The following PTPRC variants were observed in gnomAD, a reference collection of about 807,000 sequenced individuals.
PTPRC encodes the protein receptor-type tyrosine-protein phosphatase C.
A neutral mutation model predicts 155.9 loss-of-function variants in PTPRC; 44 were observed. That is an observed-to-expected ratio of 0.28 (90% CI 0.22 to 0.36). The LOEUF (loss-of-function observed/expected upper bound fraction) is 0.36. Among genes scored for constraint, PTPRC ranks in the 10% least tolerant of loss-of-function variants. The probability of loss-of-function intolerance (pLI) is 1.00; values close to 1 mark genes in which losing one functional copy is unlikely to be tolerated. For synonymous variants in PTPRC, 525 were observed against 533.1 expected (o/e 0.98, Z 0.21); for missense variants, 1,401 against 1,564.6 (o/e 0.90, Z 1.76).
rs762704300 is a variant in PTPRC at position 198,708,102 on chromosome 1, A to G, written c.905-31A>G. 17 of 1,575,440 alleles carry G rather than the reference A, an allele frequency of 1.1e-5. No individual in the cohort carries two copies. In the East Asian group the frequency reaches 2.9e-4, roughly 27 times the overall value. On this transcript the variant is annotated intron_variant, in intron 9 of 32. Transcript: ENST00000442510. Reference sequence around the variant, plus strand: ...CTTAGGATACACATTATGAAATACTAATCAAGTTTATTTCTGTATCTTCTT... The same window carrying G: ...CTTAGGATACACATTATGAAATACTGATCAAGTTTATTTCTGTATCTTCTT...
In PTPRC at chr1:198,729,158, G is replaced by A; in HGVS notation, c.1851G>A (p.Glu617=). The change falls in exon 17 of 33, where the codon GAG becomes GAA. Residue 617 remains glutamate, a synonymous_variant. Coordinates refer to ENST00000442510, the MANE Select transcript of PTPRC (RefSeq NM_002838.5). ...KRSCNLDEQQ[E]LVERDDEKQL... is the part of the protein sequence containing the mutation. ...ACAGCAATTTAGATGAACAGCAGGA[G>A]CTTGTTGAAAGGGGTAAGTATGTAT... is the stretch of plus-strand genomic sequence containing the variant. 6.2e-7 allele frequency: 1 copy of A among 1,611,198 alleles called. No homozygotes were observed. Among genetic ancestry groups the A allele is most frequent in the Non-Finnish European group, 8.5e-7 (1 of 1,178,462 alleles).
chr1:198,713,605 A>G (rs575636378), intron 12 of PTPRC, among the ~76,000 whole-genome samples: 6 of 152,166 alleles, frequency 3.9e-5, no homozygotes, highest in East Asian at 1.9e-4. Context: ...TTAAAAAAAA[A>G]AAGAAGAAGA....
At chr1:198,674,012 T>C (rs1664798871) in intron 2 of PTPRC, among the ~76,000 whole-genome samples, 1 of 152,260 alleles carries the variant, frequency 6.6e-6, no homozygotes, top group Admixed American at 6.5e-5. Flanking sequence ...CTTTTGTTGT[T>C]TATTTTGTAC....
rs1473079919 is a variant in PTPRC at position 198,709,807 on chromosome 1, T to C, written c.1154T>C (p.Ile385Thr). The C allele has an allele frequency of 2.5e-6, 4 of 1,612,342 alleles. No homozygotes were observed. The highest frequency in any genetic ancestry group is 3.3e-5 in the Admixed American group (2 of 59,904). ...AAGTTTACTAACGCAAGTAAAATTATTAAAACAGATTTTGGGAGTGAGTAT... is the reference window on the plus strand; with the variant it reads ...AAGTTTACTAACGCAAGTAAAATTACTAAAACAGATTTTGGGAGTGAGTAT... Reference protein sequence around the residue: ...NHKFTNASKIIKTDFGSPGEP... With the variant: ...NHKFTNASKITKTDFGSPGEP... Residue 385 changes from isoleucine (I) to threonine (T), a missense_variant, in exon 11 of 33, where the codon ATT becomes ACT. Physicochemically the swap from Ile to Thr is moderately conservative, Grantham distance 89 (BLOSUM62 -1). This residue lies in a region of PTPRC where 867 missense variants were observed against 970.4 expected (regional missense o/e 0.89). Transcript: ENST00000442510.
intron 2 of PTPRC, among the ~76,000 whole-genome samples, chr1:198,652,083 T>G (rs1663283712): frequency 6.6e-6 from 1 of 151,874 alleles, no homozygotes; most frequent in African/African-American, 2.4e-5. Context: ...TTATGATATT[T>G]TGCTTAAGTT....
At chr1:198,642,588 C>A (rs1662658056) in intron 2 of PTPRC, among the ~76,000 whole-genome samples, 1 of 151,872 alleles carries the variant, frequency 6.6e-6, no homozygotes, top group Admixed American at 6.6e-5. Flanking sequence ...ACATGCTCCC[C>A]AAGTCCTGAA....
intron 2 of PTPRC, among the ~76,000 whole-genome samples, chr1:198,660,191 C>G (rs1663877699): frequency 6.6e-6 from 1 of 151,348 alleles, no homozygotes; most frequent in Admixed American, 6.6e-5. Flanking sequence ...CTATTCTCTT[C>G]CTAACATTGT....
intron 2 of PTPRC, among the ~76,000 whole-genome samples, chr1:198,652,875 G>A (rs530586947): frequency 6.6e-6 from 1 of 151,798 alleles, no homozygotes; most frequent in African/African-American, 2.4e-5. Context: ...AGGGCGGCTC[G>A]ATGGTGTGGA....
intron 29 of PTPRC, among the ~76,000 whole-genome samples, chr1:198,751,937 G>A (rs931289781): frequency 6.6e-6 from 1 of 151,982 alleles, no homozygotes; most frequent in Non-Finnish European, 1.5e-5. Context: ...GTCATGATAA[G>A]CATGTGGAAA....
At chr1:198,686,613 G>A (rs1257778800) in intron 2 of PTPRC, among the ~76,000 whole-genome samples, 3 of 152,132 alleles carry the variant, frequency 2.0e-5, no homozygotes, top group African/African-American at 7.2e-5. Flanking sequence ...AATTTCCATT[G>A]CTATGTCACA....
At chr1:198,699,493 A>G (rs1471506126) in intron 4 of PTPRC, 71 bp from the exon 5 acceptor site, 1 of 1,572,528 alleles carries the variant, frequency 6.4e-7, no homozygotes, top group Non-Finnish European at 8.8e-7. Context: ...TTTGCTCCTT[A>G]TAACCTCTTA....
intron 2 of PTPRC, among the ~76,000 whole-genome samples, chr1:198,665,452 A>G (rs1571802892): frequency 6.6e-6 from 1 of 152,152 alleles, no homozygotes; most frequent in Non-Finnish European, 1.5e-5. Context: ...AGGGTAAGGC[A>G]GGAGCCAAGT....
intron 15 of PTPRC, among the ~76,000 whole-genome samples, chr1:198,725,916 T>C (rs576672795): frequency 4.6e-5 from 7 of 152,318 alleles, no homozygotes; most frequent in Admixed American, 2.0e-4. Context: ...ATTGCTCTAC[T>C]TCTAATTTCC....
At chr1:198,742,484 A>G (rs1295657706) in intron 25 of PTPRC, 117 bp downstream of exon 25, 9 of 1,262,648 alleles carry the variant, frequency 7.1e-6, no homozygotes, top group Non-Finnish European at 9.0e-6. Context: ...CAAACAGTAG[A>G]TGATTTCCTG....
chr1:198,672,635 AT>A (rs545141740), intron 2 of PTPRC, among the ~76,000 whole-genome samples: 16,421 of 141,098 alleles, frequency 0.12, 882 homozygotes, highest in Non-Finnish European at 0.13. Context: ...ATGCCCAGCT[AT>A]TTTTTTTTTT....
At chr1:198,684,822 C>T (rs983297328) in intron 2 of PTPRC, among the ~76,000 whole-genome samples, 7 of 151,968 alleles carry the variant, frequency 4.6e-5, no homozygotes, top group Non-Finnish European at 7.4e-5. Context: ...TCTTTTGCTC[C>T]TTGCATTGCC....
intron 10 of PTPRC, 58 bp downstream of exon 10, chr1:198,708,319 A>G: frequency 6.6e-7 from 1 of 1,514,620 alleles, no homozygotes; most frequent in Non-Finnish European, 9.1e-7. Context: ...TGTTCTAGAT[A>G]TTATTTAATC....
At chr1:198,726,960 T>A (rs888646374) in intron 15 of PTPRC, among the ~76,000 whole-genome samples, 2 of 151,848 alleles carry the variant, frequency 1.3e-5, no homozygotes, top group African/African-American at 4.8e-5. Context: ...CCTCCTCGGT[T>A]CAAGTGATTC....
intron 12 of PTPRC, 102 bp downstream of exon 12, chr1:198,713,174 G>C: frequency 6.5e-7 from 1 of 1,528,142 alleles, no homozygotes; most frequent in African/African-American, 1.4e-5. Context: ...TCTCTGCTTA[G>C]AGACTGCATA....
Sources: gnomAD v4.1 joint callset for allele counts (sites outside exome capture counted in the v4.1 genomes callset) on GRCh38, gnomAD v4.1.1 for gene constraint, gnomAD v4.1.1 regional missense constraint, MANE v1.5 for transcripts, NCBI Gene and HGNC (gene_info 2026-07-23, HGNC 2026-07-21) for gene names.